FHIT: variants seen among roughly 807,000 people sequenced by gnomAD.
FHIT encodes bis(5'-adenosyl)-triphosphatase.
A neutral mutation model predicts 17.9 loss-of-function variants in FHIT; 19 were observed. The ratio of observed to expected loss-of-function variants is 1.06; its 90% CI spans 0.74 to 1.56. FHIT has a LOEUF of 1.56. Among genes scored for constraint, FHIT ranks in the 40% most tolerant of loss-of-function variants. FHIT has a pLI of 0.00. For missense variants in FHIT, 248 were observed against 189.2 expected (o/e 1.31, Z -1.82); for synonymous variants, 81 against 69.7 (o/e 1.16, Z -0.81).
intron 8 of FHIT, among the ~76,000 whole-genome samples, chr3:59,910,891 AAAG>A (rs1200219473): frequency 6.6e-6 from 1 of 152,094 alleles, no homozygotes; most frequent in Non-Finnish European, 1.5e-5. Flanking sequence ...ATGGGAAAAA[AAAG>A]AAGGAAAAAA....
At chr3:60,078,389 C>G (rs534214919) in intron 5 of FHIT, among the ~76,000 whole-genome samples, 1 of 152,216 alleles carries the variant, frequency 6.6e-6, no homozygotes, top group East Asian at 1.9e-4. Context: ...AAATCTGATT[C>G]TAACCATGAA....
chr3:60,458,207 G>T (rs1304965355), intron 5 of FHIT, among the ~76,000 whole-genome samples: 3 of 152,086 alleles, frequency 2.0e-5, no homozygotes, highest in Admixed American at 6.5e-5. Flanking sequence ...TGATAGACTG[G>T]ATTAAGAAAA....
chr3:60,563,984 C>A (rs191367575), intron 4 of FHIT, among the ~76,000 whole-genome samples: 82 of 152,258 alleles, frequency 5.4e-4, no homozygotes, highest in African/African-American at 1.9e-3. Context: ...GAAGGCGATG[C>A]CATCAAGGAC....
chr3:60,322,234 G>T (rs1167226057), intron 5 of FHIT, among the ~76,000 whole-genome samples: 1 of 152,142 alleles, frequency 6.6e-6, no homozygotes, highest in Non-Finnish European at 1.5e-5. Context: ...GAGTATATTA[G>T]CACTAAAATG....
intron 8 of FHIT, among the ~76,000 whole-genome samples, chr3:59,802,109 G>T (rs1336547362): frequency 6.6e-6 from 1 of 152,124 alleles, no homozygotes. Flanking sequence ...GCCAGCTCAG[G>T]CACACTGAAT....
intron 2 of FHIT, among the ~76,000 whole-genome samples, chr3:61,060,659 G>T (rs2034394862): frequency 6.6e-6 from 1 of 152,254 alleles, no homozygotes; most frequent in Non-Finnish European, 1.5e-5. Flanking sequence ...TGGCCCAAAT[G>T]TGTGACTAAT....
At chr3:59,897,051 C>A (rs1356392309) in intron 8 of FHIT, among the ~76,000 whole-genome samples, 1 of 152,110 alleles carries the variant, frequency 6.6e-6, no homozygotes, top group Non-Finnish European at 1.5e-5. Context: ...TCCCACCCAC[C>A]TTTCCAACTG....
intron 4 of FHIT, among the ~76,000 whole-genome samples, chr3:60,726,634 T>C (rs2041921681): frequency 1.3e-5 from 2 of 152,202 alleles, no homozygotes; most frequent in Admixed American, 1.3e-4. Context: ...ACTAGCTGTG[T>C]CCTTAATGAT....
chr3:60,118,043 A>G (rs1267513463), intron 5 of FHIT, among the ~76,000 whole-genome samples: 1 of 152,192 alleles, frequency 6.6e-6, no homozygotes, highest in Non-Finnish European at 1.5e-5. Flanking sequence ...GACCAAGGAT[A>G]TTATTTATCT....
chr3:60,425,282 T>C (rs151179786), intron 5 of FHIT, among the ~76,000 whole-genome samples: 1 of 152,242 alleles, frequency 6.6e-6, no homozygotes, highest in African/African-American at 2.4e-5. Context: ...AGAGAAGCAA[T>C]GATTTTGTTT....
intron 5 of FHIT, among the ~76,000 whole-genome samples, chr3:60,415,930 T>G (rs1201662915): frequency 6.7e-6 from 1 of 148,358 alleles, no homozygotes; most frequent in Non-Finnish European, 1.5e-5. Flanking sequence ...TTAATTCCAT[T>G]AATTATAATT....
chr3:61,179,038 T>A (rs917993887), intron 2 of FHIT, among the ~76,000 whole-genome samples: 2 of 136,836 alleles, frequency 1.5e-5, no homozygotes, highest in Non-Finnish European at 3.1e-5. Flanking sequence ...TGAGACAGAG[T>A]CTCACTCTGT....
chr3:59,816,182 C>T (rs1700593743), intron 8 of FHIT, among the ~76,000 whole-genome samples: 1 of 152,188 alleles, frequency 6.6e-6, no homozygotes, highest in African/African-American at 2.4e-5. Flanking sequence ...GTGAGTTCTT[C>T]TGTGCCTCAA....
intron 4 of FHIT, among the ~76,000 whole-genome samples, chr3:60,606,350 C>T (rs1175040813): frequency 6.6e-6 from 1 of 151,756 alleles, no homozygotes; most frequent in Non-Finnish European, 1.5e-5. Flanking sequence ...AAGTGATTCT[C>T]ATGCCTCAGC....
chr3:61,188,747 C>A (rs1242624558), intron 2 of FHIT, among the ~76,000 whole-genome samples: 1 of 152,088 alleles, frequency 6.6e-6, no homozygotes, highest in Non-Finnish European at 1.5e-5. Flanking sequence ...ATCAAGTGGG[C>A]TTCATCCCTG....
At chr3:60,788,195 G>A (rs1264277035) in intron 4 of FHIT, among the ~76,000 whole-genome samples, 1 of 152,162 alleles carries the variant, frequency 6.6e-6, no homozygotes. Context: ...GGGAAGCTAA[G>A]GTGGGAGGAT....
chr3:60,357,772 G>C (rs1186705691), intron 5 of FHIT, among the ~76,000 whole-genome samples: 1 of 151,814 alleles, frequency 6.6e-6, no homozygotes, highest in Non-Finnish European at 1.5e-5. Flanking sequence ...TAAAAGCATT[G>C]ATCTATGTTC....
chr3:60,130,793 A>ACACATATATATGTGTGTGGGTGTG (rs1165614900), intron 5 of FHIT, among the ~76,000 whole-genome samples: 1 of 140,428 alleles, frequency 7.1e-6, no homozygotes, highest in Non-Finnish European at 1.6e-5. Context: ...TGGTGTGTAT[A>ACACATATATATGTGTGTGGGTGTG]TACACACATA....
intron 5 of FHIT, among the ~76,000 whole-genome samples, chr3:60,491,041 A>G (rs2034041648): frequency 6.6e-6 from 1 of 152,180 alleles, no homozygotes; most frequent in Admixed American, 6.5e-5. Context: ...CAAAAAGTAT[A>G]TGTTGCACTC....
Sources: gnomAD v4.1 joint callset for allele counts (sites outside exome capture counted in the v4.1 genomes callset) on GRCh38, gnomAD v4.1.1 for gene constraint, MANE v1.5 for transcripts, NCBI Gene and HGNC (gene_info 2026-07-23, HGNC 2026-07-21) for gene names.